Variants in NAV1 observed in about 807,000 individuals in gnomAD.
The protein encoded by NAV1 is neuron navigator 1, also known as pore membrane and/or filament interacting like protein 3.
NAV1 carries 18 observed loss-of-function variants against 175.2 expected under a neutral mutation model. The observed-to-expected ratio is 0.10, with a 90% CI of 0.07 to 0.15. NAV1 has a LOEUF of 0.15. Ranked by LOEUF, NAV1 falls within the 10% of genes least tolerant of loss-of-function variation. The probability of loss-of-function intolerance (pLI) is 1.00; values close to 1 mark genes in which losing one functional copy is unlikely to be tolerated. For missense variants in NAV1, 1,731 were observed against 2,436.6 expected (o/e 0.71, Z 6.10); for synonymous variants, 897 against 978.7 (o/e 0.92, Z 1.56).
exon 1 of NAV1, chr1:201,649,008 G>A (rs1473137729): frequency 6.2e-7 from 1 of 1,613,506 alleles, no homozygotes; most frequent in Non-Finnish European, 8.5e-7. Flanking sequence ...ATGGAGCGAC[G>A]ATATGGCCAA....
intron 1 of NAV1, among the ~76,000 whole-genome samples, chr1:201,659,591 G>T (rs530886759): frequency 6.6e-6 from 1 of 152,294 alleles, no homozygotes; most frequent in Admixed American, 6.5e-5. Context: ...CTGCACTCCA[G>T]CCTGGGTGAC....
Position 201,671,360 on chromosome 1 carries a change from G to T in NAV1, c.757+21935G>T, listed in dbSNP as rs566917020. ...GTTAAGGTGCTCCCTCTTCAAAGCC[G>T]ACACCTCCCCTCCATACCTGCTTCC... On this transcript the variant is annotated intron_variant, in intron 1 of 29. Coordinates refer to ENST00000367296, the Ensembl canonical transcript of NAV1. Among the ~76,000 whole-genome samples the T allele has an allele frequency of 4.9e-4, 74 of 152,146 alleles. 1 individual carries two copies. Among genetic ancestry groups the T allele is most frequent in the Admixed American group, 1.0e-3 (16 of 15,286 alleles).
At chr1:201,604,359 AT>A (rs1667609286) in intron 2 of NAV1, among the ~76,000 whole-genome samples, 1 of 152,154 alleles carries the variant, frequency 6.6e-6, no homozygotes, top group East Asian at 1.9e-4. Flanking sequence ...CCTGGCTACT[AT>A]TCCTATTTTA....
chr1:201,703,499 C>T (rs763452279), intron 1 of NAV1, among the ~76,000 whole-genome samples: 15 of 152,196 alleles, frequency 9.9e-5, no homozygotes, highest in Non-Finnish European at 1.8e-4. Flanking sequence ...GGATAGCAAA[C>T]TAGCACTCCT....
intron 2 of NAV1, among the ~76,000 whole-genome samples, chr1:201,632,540 G>A (rs1029720465): frequency 3.3e-5 from 5 of 152,230 alleles, no homozygotes; most frequent in African/African-American, 7.2e-5. Flanking sequence ...CAAGGCTGAC[G>A]TTACCGCGTG....
At chr1:201,747,344 A>G (rs1673836740) in intron 3 of NAV1, among the ~76,000 whole-genome samples, 1 of 152,228 alleles carries the variant, frequency 6.6e-6, no homozygotes, top group African/African-American at 2.4e-5. Flanking sequence ...AGACTATACT[A>G]GACTATCAAG....
intron 1 of NAV1, among the ~76,000 whole-genome samples, chr1:201,566,199 C>T (rs1294483872): frequency 2.6e-5 from 4 of 152,192 alleles, no homozygotes; most frequent in African/African-American, 9.7e-5. Context: ...CAGGCCACTT[C>T]TCCTGGGCAT....
At chr1:201,564,125 A>AGGAGGGAG (rs61111615) in intron 1 of NAV1, among the ~76,000 whole-genome samples, 4 of 148,584 alleles carry the variant, frequency 2.7e-5, no homozygotes, top group African/African-American at 7.6e-5. Flanking sequence ...AAAGGAAAGA[A>AGGAGGGAG]GGAGGGAGGG....
intron 1 of NAV1, among the ~76,000 whole-genome samples, chr1:201,569,532 C>G (rs1281571415): frequency 1.3e-5 from 2 of 152,206 alleles, no homozygotes; most frequent in African/African-American, 4.8e-5. Flanking sequence ...TAGAGGTTCT[C>G]AAAGCCATCT....
intron 13 of NAV1, chr1:201,793,550 T>C: frequency 2.1e-6 from 1 of 484,392 alleles, no homozygotes; most frequent in Non-Finnish European, 3.8e-6. Context: ...CAGGAGCCTC[T>C]GGAAACCTGC....
chr1:201,699,450 C>T (rs1459787741), intron 1 of NAV1, among the ~76,000 whole-genome samples: 3 of 152,136 alleles, frequency 2.0e-5, no homozygotes, highest in African/African-American at 7.2e-5. Context: ...AGGATACAAA[C>T]AAATGGAAGA....
chr1:201,672,008 G>A (rs935575220), intron 1 of NAV1, among the ~76,000 whole-genome samples: 8 of 152,098 alleles, frequency 5.3e-5, no homozygotes. Flanking sequence ...GCAGTGTCCC[G>A]TCTCTCCTCT....
At chr1:201,611,355 C>G (rs1210046519) in intron 2 of NAV1, among the ~76,000 whole-genome samples, 3 of 152,200 alleles carry the variant, frequency 2.0e-5, no homozygotes, top group Non-Finnish European at 4.4e-5. Context: ...CATCTCAGCT[C>G]TTCCTCCATT....
In NAV1 at chr1:201,788,442, T is replaced by A; in HGVS notation, c.2996-26T>A. The stretch of plus-strand genomic sequence containing the variant: ...TTTCCTGCCCTCCTGCTCCCTCTCC[T>A]GTCCCCCTTCCCTCTGTCCTTCCAG... On this transcript the variant is annotated intron_variant, in intron 9 of 29. Transcript: ENST00000367296. The surrounding 1 kb of genome is among the most constrained non-coding windows in gnomAD (Gnocchi z 5.7). 1 of 1,613,492 alleles carries A rather than the reference T, an allele frequency of 6.2e-7. No individual in the cohort carries two copies. The highest frequency in any genetic ancestry group is 8.5e-7 in the Non-Finnish European group (1 of 1,179,838).
At chr1:201,642,206 T>G (rs561786849) in intron 2 of NAV1, among the ~76,000 whole-genome samples, 3 of 140,588 alleles carry the variant, frequency 2.1e-5, no homozygotes, top group Non-Finnish European at 4.5e-5. Flanking sequence ...TCTTCCTTTC[T>G]TCCTTCCCTC....
chr1:201,822,584 T>A (rs1244711011), exon 30 of NAV1: 2 of 152,654 alleles, frequency 1.3e-5, no homozygotes, highest in Non-Finnish European at 2.9e-5. Flanking sequence ...TTTATTTGGA[T>A]CCTCAGCAGG....
chr1:201,741,452 C>T (rs1040397131), intron 3 of NAV1, among the ~76,000 whole-genome samples: 3 of 152,132 alleles, frequency 2.0e-5, no homozygotes, highest in African/African-American at 7.2e-5. Flanking sequence ...CCTCTTACTT[C>T]AGGTGAGATC....
chr1:201,669,048 C>T (rs535746518), intron 1 of NAV1, among the ~76,000 whole-genome samples: 88 of 152,162 alleles, frequency 5.8e-4, no homozygotes, highest in Non-Finnish European at 1.0e-3. Context: ...CTTTGGGACC[C>T]TGTGTAGCAC....
intron 2 of NAV1, among the ~76,000 whole-genome samples, chr1:201,589,254 C>A (rs552816343): frequency 6.6e-6 from 1 of 152,236 alleles, no homozygotes; most frequent in Admixed American, 6.5e-5. Context: ...CCTTTTTACC[C>A]CAGAGCACCC....
Sources: allele counts gnomAD v4.1 joint callset (sites outside exome capture counted in the v4.1 genomes callset), GRCh38; gene constraint gnomAD v4.1.1; non-coding constraint Gnocchi (gnomAD v3.1); transcripts MANE v1.5; gene names NCBI Gene and HGNC (gene_info 2026-07-23, HGNC 2026-07-21).